Variants in FSTL5 observed in about 807,000 individuals in gnomAD.
FSTL5 encodes follistatin like 5, also known as follistatin-related protein 5.
FSTL5 carries 62 observed loss-of-function variants against 89.1 expected under a neutral mutation model. The ratio of observed to expected loss-of-function variants is 0.70; its 90% CI spans 0.57 to 0.86. FSTL5 has a LOEUF of 0.86. Among genes scored for constraint, FSTL5 ranks in the 40% least tolerant of loss-of-function variants. FSTL5 has a pLI of 0.00. For missense variants in FSTL5, 1,057 were observed against 1,001.6 expected, an observed-to-expected ratio of 1.06 and a Z score of -0.75; for synonymous variants, 383 against 346.2, an observed-to-expected ratio of 1.11 and a Z score of -1.18.
intron 4 of FSTL5, among the ~76,000 whole-genome samples, chr4:161,815,464 A>G (rs1453160674): frequency 6.6e-6 from 1 of 152,120 alleles, no homozygotes; most frequent in Non-Finnish European, 1.5e-5. Flanking sequence ...ATTATATATT[A>G]TTCTATGTAT....
chr4:161,853,668 A>G (rs1276133111), intron 4 of FSTL5, among the ~76,000 whole-genome samples: 1 of 152,098 alleles, frequency 6.6e-6, no homozygotes, highest in African/African-American at 2.4e-5. Flanking sequence ...TTTTCACACT[A>G]TAATAGTTTG....
At chr4:161,839,083 A>T (rs1170599880) in intron 4 of FSTL5, among the ~76,000 whole-genome samples, 1 of 152,136 alleles carries the variant, frequency 6.6e-6, no homozygotes, top group Non-Finnish European at 1.5e-5. Context: ...CTGGATATTT[A>T]AATATTTACA....
chr4:161,472,775 A>C (rs1039525968), intron 13 of FSTL5, among the ~76,000 whole-genome samples: 2 of 150,452 alleles, frequency 1.3e-5, no homozygotes, highest in Non-Finnish European at 2.9e-5. Flanking sequence ...GCCAGGCTGG[A>C]GTGCAGCGGC....
At chr4:162,070,291 A>G (rs1729560827) in intron 2 of FSTL5, among the ~76,000 whole-genome samples, 1 of 151,788 alleles carries the variant, frequency 6.6e-6, no homozygotes, top group South Asian at 2.1e-4. Context: ...ACCCTTTGCA[A>G]GTGTTTTATC....
chr4:162,075,720 A>G (rs1435390983), intron 2 of FSTL5, among the ~76,000 whole-genome samples: 1 of 151,846 alleles, frequency 6.6e-6, no homozygotes, highest in African/African-American at 2.4e-5. Flanking sequence ...TTCCTTTGAG[A>G]TAATGTCCCA....
chr4:161,951,849 T>A (rs1734905166), intron 3 of FSTL5, among the ~76,000 whole-genome samples: 1 of 152,048 alleles, frequency 6.6e-6, no homozygotes, highest in Non-Finnish European at 1.5e-5. Flanking sequence ...TATATTATTA[T>A]ATCATTATAT....
At chr4:162,014,929 A>T (rs990179156) in intron 3 of FSTL5, among the ~76,000 whole-genome samples, 8 of 152,204 alleles carry the variant, frequency 5.3e-5, no homozygotes, top group Non-Finnish European at 1.2e-4. Context: ...TAAAAACAGC[A>T]GCTAGAAATG....
At chr4:161,909,651 C>T (rs1208978882) in intron 4 of FSTL5, among the ~76,000 whole-genome samples, 1 of 152,124 alleles carries the variant, frequency 6.6e-6, no homozygotes, top group Non-Finnish European at 1.5e-5. Flanking sequence ...GAGAATAACA[C>T]ATATTTATGC....
intron 7 of FSTL5, among the ~76,000 whole-genome samples, chr4:161,591,580 G>A (rs926116992): frequency 2.6e-5 from 4 of 152,210 alleles, no homozygotes; most frequent in Admixed American, 6.5e-5. Flanking sequence ...GAAATCTTTT[G>A]TGAGTATGAA....
At chr4:161,589,164 T>TTTTGTTTG (rs34708646) in intron 7 of FSTL5, among the ~76,000 whole-genome samples, 12 of 148,834 alleles carry the variant, frequency 8.1e-5, no homozygotes, top group Admixed American at 1.3e-4. Flanking sequence ...AATTGTTGGT[T>TTTTGTTTG]TTTGTTTGTT....
chr4:162,011,677 A>G (rs551276064), intron 3 of FSTL5, among the ~76,000 whole-genome samples: 119 of 152,184 alleles, frequency 7.8e-4, no homozygotes, highest in Non-Finnish European at 1.4e-3. Flanking sequence ...TTGTATTTTT[A>G]GTAGAGACGG....
At chr4:161,914,840 T>C (rs1401508633) in intron 4 of FSTL5, among the ~76,000 whole-genome samples, 1 of 152,204 alleles carries the variant, frequency 6.6e-6, no homozygotes, top group Non-Finnish European at 1.5e-5. Flanking sequence ...TTAAACCCAA[T>C]AATAATTTCT....
In FSTL5 at chr4:162,114,529, G is replaced by GAC. The variant is rs9308041; in HGVS notation, c.-16-3119_-16-3118dup. 8.6e-4 allele frequency among the ~76,000 whole-genome samples: 129 copies of GAC among 149,146 alleles called. 1 individual carries two copies. The highest frequency in any genetic ancestry group is 8.2e-3 in the East Asian group (41 of 5,004). ...TTCCCTCTCTTTCTCTTTGTGTGTG[G>GAC]ACACACACACACACACACACACACA... is the stretch of plus-strand genomic sequence containing the variant. On this transcript the variant is annotated intron_variant, in intron 1 of 15. Transcript: ENST00000306100.
At chr4:162,102,117 T>C (rs1310473193) in intron 2 of FSTL5, among the ~76,000 whole-genome samples, 1 of 152,082 alleles carries the variant, frequency 6.6e-6, no homozygotes, top group East Asian at 1.9e-4. Flanking sequence ...AGCTAATTAT[T>C]ATGATCTAGC....
chr4:161,823,670 C>A (rs537053031), intron 4 of FSTL5, among the ~76,000 whole-genome samples: 8 of 152,270 alleles, frequency 5.3e-5, no homozygotes, highest in East Asian at 3.9e-4. Context: ...TCCTGCCCTG[C>A]AAACTTGGTA....
At chr4:161,457,353 CA>C (rs1733392851) in intron 14 of FSTL5, among the ~76,000 whole-genome samples, 1 of 152,106 alleles carries the variant, frequency 6.6e-6, no homozygotes, top group African/African-American at 2.4e-5. Context: ...TCCCACCTGG[CA>C]AATATTTTTA....
intron 7 of FSTL5, among the ~76,000 whole-genome samples, chr4:161,601,325 G>GC (rs1249238734): frequency 3.5e-5 from 2 of 57,602 alleles, no homozygotes; most frequent in East Asian, 4.9e-4. Flanking sequence ...GTCTTAAATA[G>GC]TTGGAAAAAA....
At chr4:161,932,401 T>C (rs1015694373) in intron 3 of FSTL5, among the ~76,000 whole-genome samples, 1 of 151,870 alleles carries the variant, frequency 6.6e-6, no homozygotes, top group Non-Finnish European at 1.5e-5. Context: ...GCTTTGATAC[T>C]TATCTGCCTT....
intron 15 of FSTL5, among the ~76,000 whole-genome samples, chr4:161,421,117 G>A (rs911025290): frequency 8.5e-5 from 13 of 152,064 alleles, no homozygotes; most frequent in South Asian, 8.3e-4. Flanking sequence ...CGAGGCAGGC[G>A]GATCACGAGG....
Sources: gnomAD v4.1 joint callset for allele counts (sites outside exome capture counted in the v4.1 genomes callset) on GRCh38, gnomAD v4.1.1 for gene constraint, MANE v1.5 for transcripts, NCBI Gene and HGNC (gene_info 2026-07-23, HGNC 2026-07-21) for gene names.